The following ANK3 variants were observed in gnomAD, a reference collection of about 807,000 sequenced individuals.
ANK3 encodes ankyrin 3.
A neutral mutation model predicts 370.9 loss-of-function variants in ANK3; 57 were observed. The ratio of observed to expected loss-of-function variants is 0.15; its 90% CI spans 0.12 to 0.19. The LOEUF (loss-of-function observed/expected upper bound fraction) is 0.19, where lower values mean the gene tolerates loss of function less well. ANK3 is among the 10% of genes least tolerant of loss of function. The pLI is 1.00. For missense variants in ANK3, 4,439 were observed against 5,302.1 expected (o/e 0.84, Z 5.06); for synonymous variants, 1,929 against 1,946.3 (o/e 0.99, Z 0.23).
chr10:60,145,375 C>T (rs984020750), intron 23 of ANK3, among the ~76,000 whole-genome samples: 1 of 152,122 alleles, frequency 6.6e-6, no homozygotes, highest in African/African-American at 2.4e-5. Context: ...CTTAAATTTA[C>T]TGTTGCTTAT....
intron 1 of ANK3, among the ~76,000 whole-genome samples, chr10:60,718,048 T>C (rs2079814112): frequency 1.3e-5 from 2 of 152,374 alleles, no homozygotes; most frequent in Non-Finnish European, 2.9e-5. Context: ...TTGCCTTATA[T>C]GGACATTGTC....
chr10:60,438,111 T>C (rs905168242), intron 2 of ANK3, among the ~76,000 whole-genome samples: 30 of 152,184 alleles, frequency 2.0e-4, no homozygotes, highest in African/African-American at 7.0e-4. Context: ...TGGTCATACC[T>C]AATTTTCTAC....
chr10:60,075,695 G>A lies in ANK3; in HGVS notation c.5186C>T (p.Ser1729Leu). Residue 1729 changes from serine (S) to leucine (L), a missense_variant, in exon 37 of 44, where the codon TCA becomes TTA. Around this residue, in one of 13 missense-constraint regions of ANK3, gnomAD observed 679 missense variants for 791.0 expected, o/e 0.86. Transcript: ENST00000280772. ...SISPLKYPSS[S>L]TLINGCKATA... Reference sequence around the variant, plus strand: ...GGCTTTGCATCCATTAATTAAAGTTGAGGATGATGGATATTTTAGAGGGGA... The same window carrying A: ...GGCTTTGCATCCATTAATTAAAGTTAAGGATGATGGATATTTTAGAGGGGA... 6.2e-7 allele frequency: 1 copy of A among 1,614,086 alleles called. No individual in the cohort carries two copies. The highest frequency in any genetic ancestry group is 8.5e-7 in the Non-Finnish European group (1 of 1,179,994).
chr10:60,707,124 C>G (rs1010454939), intron 1 of ANK3, among the ~76,000 whole-genome samples: 1 of 151,998 alleles, frequency 6.6e-6, no homozygotes, highest in African/African-American at 2.4e-5. Flanking sequence ...TTTTAAAAAA[C>G]CAACAATCGA....
chr10:60,531,539 G>C (rs2076606282), intron 2 of ANK3, among the ~76,000 whole-genome samples: 1 of 151,390 alleles, frequency 6.6e-6, no homozygotes, highest in South Asian at 2.1e-4. Flanking sequence ...TTTTGAAATA[G>C]CTGATATATT....
intron 2 of ANK3, among the ~76,000 whole-genome samples, chr10:60,585,600 T>C (rs2077819972): frequency 6.6e-6 from 1 of 152,194 alleles, no homozygotes; most frequent in Admixed American, 6.5e-5. Flanking sequence ...ATGAGAGATA[T>C]AGCCAAGGGA....
chr10:60,163,837 T>G (rs1451001570), intron 23 of ANK3, among the ~76,000 whole-genome samples: 2 of 152,210 alleles, frequency 1.3e-5, no homozygotes, highest in Non-Finnish European at 2.9e-5. Context: ...CCTATATTGC[T>G]TATTATTTTT....
chr10:60,211,747 C>A (rs2096857472), intron 9 of ANK3, among the ~76,000 whole-genome samples: 2 of 151,904 alleles, frequency 1.3e-5, no homozygotes, highest in South Asian at 4.2e-4. Context: ...GTAAAGGGAA[C>A]CTAATTGTGA....
chr10:60,544,694 G>T (rs558291317), intron 2 of ANK3, among the ~76,000 whole-genome samples: 1 of 152,180 alleles, frequency 6.6e-6, no homozygotes, highest in East Asian at 1.9e-4. Context: ...TGTAAAATTA[G>T]TAAGTTCTAG....
chr10:60,063,900 G>C (rs542548223), intron 39 of ANK3, among the ~76,000 whole-genome samples: 1 of 152,290 alleles, frequency 6.6e-6, no homozygotes, highest in South Asian at 2.1e-4. Flanking sequence ...GTCACAGAGA[G>C]AATGTCAGGC....
intron 40 of ANK3, 49 bp from the exon 41 acceptor site, chr10:60,059,479 T>A: frequency 6.7e-7 from 1 of 1,494,850 alleles, no homozygotes; most frequent in Non-Finnish European, 9.3e-7. Context: ...CGCTTAAGAA[T>A]AGCCTGTACT....
intron 1 of ANK3, among the ~76,000 whole-genome samples, chr10:60,294,418 T>C (rs898747707): frequency 3.9e-5 from 6 of 152,298 alleles, no homozygotes; most frequent in East Asian, 1.9e-4. Context: ...GAATTTATCA[T>C]CCTAAAATGT....
At chr10:60,450,310 T>G (rs756913410) in intron 2 of ANK3, among the ~76,000 whole-genome samples, 2 of 152,032 alleles carry the variant, frequency 1.3e-5, no homozygotes, top group South Asian at 2.1e-4. Context: ...GAAAAATATA[T>G]AGAGAGAATG....
In ANK3 at chr10:60,109,013, A is replaced by T; in HGVS notation, c.2990T>A (p.Met997Lys). ...CATCCCGTGATGACGGCTTCCTCTCATGGAGCCCCCTCTCGCGTCCACCAT... is the reference window on the plus strand; with the variant it reads ...CATCCCGTGATGACGGCTTCCTCTCTTGGAGCCCCCTCTCGCGTCCACCAT... ...SFMVDARGGS[M>K]RGSRHHGMRI... Residue 997 changes from methionine (M) to lysine (K), a missense_variant, in exon 27 of 44, where the codon ATG (methionine) becomes AAG (lysine). This residue lies in a region of ANK3 where 702 missense variants were observed against 941.5 expected (regional missense o/e 0.75). Transcript: ENST00000280772. 2.5e-6 allele frequency: 4 copies of T among 1,613,848 alleles called. No individual in the cohort carries two copies. The highest frequency in any genetic ancestry group is 3.4e-6 in the Non-Finnish European group (4 of 1,179,968).
intron 2 of ANK3, among the ~76,000 whole-genome samples, chr10:60,418,238 T>C (rs76744513): frequency 2.6e-5 from 4 of 152,132 alleles, no homozygotes; most frequent in African/African-American, 9.7e-5. Context: ...TTCAAAAGCT[T>C]CCCCAACTCT....
chr10:60,356,704 T>C (rs1253166264), intron 1 of ANK3, among the ~76,000 whole-genome samples: 1 of 152,196 alleles, frequency 6.6e-6, no homozygotes, highest in Non-Finnish European at 1.5e-5. Context: ...AGACACTTAC[T>C]ATGCTTTCTT....
intron 1 of ANK3, among the ~76,000 whole-genome samples, chr10:60,303,867 G>GGT (rs934161299): frequency 1.4e-5 from 2 of 145,036 alleles, no homozygotes; most frequent in African/African-American, 5.3e-5. Flanking sequence ...AATAAAATGT[G>GGT]GTGTATATAT....
At chr10:60,247,233 G>A (rs924288506) in intron 7 of ANK3, among the ~76,000 whole-genome samples, 1 of 151,986 alleles carries the variant, frequency 6.6e-6, no homozygotes, top group African/African-American at 2.4e-5. Flanking sequence ...TAACCAGGAT[G>A]GTCTCGATCT....
At chr10:60,255,592 T>C (rs1307197993) in intron 7 of ANK3, among the ~76,000 whole-genome samples, 4 of 152,174 alleles carry the variant, frequency 2.6e-5, no homozygotes, top group African/African-American at 9.7e-5. Flanking sequence ...TGCTCACCTA[T>C]GGGGTCAGGG....
Sources: gnomAD v4.1 joint callset for allele counts (sites outside exome capture counted in the v4.1 genomes callset) on GRCh38, gnomAD v4.1.1 for gene constraint, gnomAD v4.1.1 regional missense constraint, MANE v1.5 for transcripts, NCBI Gene and HGNC (gene_info 2026-07-23, HGNC 2026-07-21) for gene names.